NPIPB11: variants seen among roughly 807,000 people sequenced by gnomAD.
NPIPB11 encodes nuclear pore complex interacting protein family member B11.
NPIPB11 carries 17 observed loss-of-function variants against 32.8 expected under a neutral mutation model. That is an observed-to-expected ratio of 0.52 (90% CI 0.35 to 0.78). NPIPB11 has a LOEUF of 0.78. Among genes scored for constraint, NPIPB11 ranks in the 30% least tolerant of loss-of-function variants. The probability of loss-of-function intolerance (pLI) is 0.01; values close to 1 mark genes in which losing one functional copy is unlikely to be tolerated. For synonymous variants in NPIPB11, 209 were observed against 398.4 expected, an observed-to-expected ratio of 0.52 and a Z score of 5.66; for missense variants, 537 against 1,000.4, an observed-to-expected ratio of 0.54 and a Z score of 6.25.
chr16:29,396,878 G>A (rs1349635887), intron 2 of NPIPB11, among the ~76,000 whole-genome samples: 1 of 151,260 alleles, frequency 6.6e-6, no homozygotes, highest in Non-Finnish European at 1.5e-5. Context: ...TTGGCCAGGC[G>A]CGGTGGCTCA....
chr16:29,402,679 G>C (rs1964019248), intron 2 of NPIPB11, among the ~76,000 whole-genome samples: 1 of 141,752 alleles, frequency 7.1e-6, no homozygotes, highest in African/African-American at 2.7e-5. Flanking sequence ...CTCCAGCCTG[G>C]GCGACAGAGT....
At chr16:29,404,564 C>T (rs76676040), upstream of NPIPB11, among the ~76,000 whole-genome samples, 54,645 of 85,320 alleles carry the variant, frequency 0.64, 20,294 homozygotes, top group East Asian at 0.99. Context: ...GATGAGGCCA[C>T]AGTGCAACCA....
intron 2 of NPIPB11, among the ~76,000 whole-genome samples, chr16:29,402,722 CTCTGTGTG>C (rs1364988862): frequency 1.3e-4 from 15 of 113,808 alleles, no homozygotes; most frequent in East Asian, 5.6e-4. Flanking sequence ...CTCTCTCTCT[CTCTGTGTG>C]TGTGTGTGTG....
intron 2 of NPIPB11, among the ~76,000 whole-genome samples, chr16:29,394,282 C>CA (rs1963795094): frequency 6.6e-6 from 1 of 152,088 alleles, no homozygotes; most frequent in South Asian, 2.1e-4. Context: ...TCAGGCACTG[C>CA]AAATGTGGGG....
At chr16:29,397,542 AC>A in intron 2 of NPIPB11, 1 of 1,515,412 alleles carries the variant, frequency 6.6e-7, no homozygotes. Context: ...AAAGGAAGAA[AC>A]CCCGAGGGTC....
chr16:29,406,529 T>A (rs1321935579), upstream of NPIPB11, among the ~76,000 whole-genome samples: 2 of 152,110 alleles, frequency 1.3e-5, no homozygotes, highest in South Asian at 4.1e-4. Context: ...ACCAGCCTAA[T>A]AGAGTGAAAC....
exon 8 of NPIPB11, chr16:29,382,975 G>T: frequency 6.3e-7 from 1 of 1,588,620 alleles, no homozygotes; most frequent in Non-Finnish European, 8.5e-7. Flanking sequence ...AGCTGAGGGT[G>T]GAAGGGGAGT....
At chr16:29,391,006 T>G (rs62035597) in intron 3 of NPIPB11, among the ~76,000 whole-genome samples, 1 of 149,222 alleles carries the variant, frequency 6.7e-6, no homozygotes, top group Admixed American at 6.7e-5. Flanking sequence ...CGGTAGCTCA[T>G]GCCTGTAATC....
chr16:29,394,727 CA>C (rs1963810162), intron 2 of NPIPB11, among the ~76,000 whole-genome samples: 1 of 149,518 alleles, frequency 6.7e-6, no homozygotes, highest in Non-Finnish European at 1.5e-5. Context: ...CCACCGTGCC[CA>C]GCCATTTTTT....
At chr16:29,397,637 C>A in intron 2 of NPIPB11, 1 of 1,449,334 alleles carries the variant, frequency 6.9e-7, no homozygotes, top group Non-Finnish European at 9.4e-7. Flanking sequence ...TCCACCGCCC[C>A]CGCATGTCCT....
At chr16:29,399,991 C>A (rs533261349) in intron 2 of NPIPB11, among the ~76,000 whole-genome samples, 1 of 151,336 alleles carries the variant, frequency 6.6e-6, no homozygotes, top group South Asian at 2.1e-4. Context: ...GCAGGACAAT[C>A]CCTTGAACCC....
In NPIPB11 at chr16:29,394,429, CTT is replaced by C. The variant is rs1248252716; in HGVS notation, c.121-355_121-354del. Among the ~76,000 whole-genome samples, 171 of 122,310 alleles carry C rather than the reference CTT, an allele frequency of 1.4e-3. 1 individual carries two copies. Among genetic ancestry groups the C allele is most frequent in the African/African-American group, 2.2e-3 (69 of 32,064 alleles). The allele number at this position is 122,310 out of a possible 152,430, so 80.2% of individuals were successfully genotyped here. ...TAGCTGATGATCTAAAAAAAAACCT[CTT>C]TTTTTTTTTTTTTTTTGAGACAGAG... On this transcript the variant is annotated intron_variant, in intron 2 of 7. Coordinates refer to ENST00000524087, the Ensembl canonical transcript of NPIPB11.
At position 29,391,657 on chromosome 16, in the gene NPIPB11, G is replaced by T. The variant is rs367725698; in HGVS notation, c.250-1309C>A. On this transcript the variant is annotated intron_variant, in intron 3 of 7. Coordinates refer to ENST00000524087, the Ensembl canonical transcript of NPIPB11. Reference sequence around the variant, plus strand: ...ATTAAATATTTCTTCTCATCATAGCGAAAATGCAATGCAAATCCCATCTCA... The same window carrying T: ...ATTAAATATTTCTTCTCATCATAGCTAAAATGCAATGCAAATCCCATCTCA... 2.6e-4 allele frequency among the ~76,000 whole-genome samples: 40 copies of T among 152,154 alleles called. No individual in the cohort carries two copies. In the East Asian group the frequency reaches 6.2e-3, roughly 24 times the overall value.
In NPIPB11 at chr16:29,389,668, G is replaced by GAAAGAAAA. The variant is rs1262451402; in HGVS notation, c.545+272_545+273insTTTTCTTT. 5.2e-4 allele frequency among the ~76,000 whole-genome samples: 9 copies of GAAAGAAAA among 17,288 alleles called. No individual in the cohort carries two copies. In the Admixed American group the frequency reaches 6.1e-3, roughly 12 times the overall value. The allele number at this position is 17,288 out of a possible 152,430, so 11.3% of individuals were successfully genotyped here. On this transcript the variant is annotated intron_variant, in intron 5 of 7. Coordinates refer to ENST00000524087, the Ensembl canonical transcript of NPIPB11. ...CAACAACAGCAAAGCTCCATCTCAG[G>GAAAGAAAA]AAAAAAAAAAAAAAAAAAAAAAAAA...
In NPIPB11 at chr16:29,397,496, C is replaced by T. The variant is rs1207554901; in HGVS notation, c.121-3420G>A. On this transcript the variant is annotated intron_variant, in intron 2 of 7. Coordinates refer to ENST00000524087, the Ensembl canonical transcript of NPIPB11. The stretch of plus-strand genomic sequence containing the variant: ...AAAGTGCTGGGATTACAGGCCTGAG[C>T]TGTGTAATTTCATGCCGCGTGACAC... 29 of 1,438,910 alleles carry T rather than the reference C, an allele frequency of 2.0e-5. No homozygotes were observed. In the East Asian group the frequency reaches 7.3e-4, roughly 36 times the overall value. 89.1% of individuals were successfully genotyped at this position (1,438,910 alleles called of 1,614,324 possible).
intron 2 of NPIPB11, among the ~76,000 whole-genome samples, chr16:29,399,796 T>A (rs1389820623): frequency 1.4e-5 from 2 of 141,406 alleles, no homozygotes; most frequent in Non-Finnish European, 3.1e-5. Context: ...GCCCTAGATT[T>A]GGCTGGGCAT....
chr16:29,399,735 T>C (rs1173845091), intron 2 of NPIPB11, among the ~76,000 whole-genome samples: 1 of 150,480 alleles, frequency 6.6e-6, no homozygotes, highest in South Asian at 2.1e-4. Flanking sequence ...AAAAACAGGG[T>C]TAACAAAACT....
At chr16:29,383,330 T>C (rs780514819) in exon 8 of NPIPB11, 1 of 1,510,258 alleles carries the variant, frequency 6.6e-7, no homozygotes, top group Non-Finnish European at 8.8e-7. Flanking sequence ...TATTATCATC[T>C]GCTGAGGGTG....
chr16:29,382,224 C>A (rs544831436), exon 8 of NPIPB11: 16 of 1,567,148 alleles, frequency 1.0e-5, no homozygotes, highest in East Asian at 9.3e-5. Flanking sequence ...AGTGAGCTGA[C>A]GTTTGGAAGG....
Sources: allele counts gnomAD v4.1 joint callset (sites outside exome capture counted in the v4.1 genomes callset), GRCh38; gene constraint gnomAD v4.1.1; transcripts MANE v1.5; gene names NCBI Gene and HGNC (gene_info 2026-07-23, HGNC 2026-07-21).